Variants in QTGAL observed in about 807,000 individuals in gnomAD.
QTGAL encodes queuosine-tRNA galactosyltransferase.
chr17:82,942,357 C>T, the QTGAL span: 1 of 1,579,552 alleles, frequency 6.3e-7, no homozygotes, highest in Non-Finnish European at 8.7e-7. Flanking sequence ...CGTGTCAGTC[C>T]CCACACAGGG....
the QTGAL span, among the ~76,000 whole-genome samples, chr17:82,971,451 G>A: frequency 6.6e-6 from 1 of 152,146 alleles, no homozygotes; most frequent in Non-Finnish European, 1.5e-5. Context: ...GCAGCTCCGT[G>A]GCAGCGACTG....
At chr17:82,963,341 C>T in the QTGAL span, among the ~76,000 whole-genome samples, 10 of 152,272 alleles carry the variant, frequency 6.6e-5, no homozygotes, top group Middle Eastern at 3.4e-3. Context: ...ATCCCCAGCG[C>T]GAACCTCCAG....
chr17:83,037,949 C>A, the QTGAL span, among the ~76,000 whole-genome samples: 9 of 152,108 alleles, frequency 5.9e-5, no homozygotes, highest in Admixed American at 4.6e-4. The surrounding 1 kb of genome is among the most constrained non-coding windows in gnomAD (Gnocchi z 5.2). Context: ...TTGCCATGGT[C>A]TCAGCAGGAA....
the QTGAL span, among the ~76,000 whole-genome samples, chr17:82,961,605 G>A: frequency 2.6e-5 from 4 of 152,188 alleles, no homozygotes; most frequent in South Asian, 2.1e-4. Context: ...TCAAAGTGCC[G>A]ACTGTGGGCA....
chr17:82,971,298 C>T, the QTGAL span, among the ~76,000 whole-genome samples: 1 of 152,224 alleles, frequency 6.6e-6, no homozygotes, highest in African/African-American at 2.4e-5. Context: ...TAAGGACGCG[C>T]ACAGACACCG....
the QTGAL span, chr17:82,981,785 T>C: frequency 2.0e-5 from 3 of 152,272 alleles, no homozygotes. Context: ...GAGAGCCTAC[T>C]GTTGACCGGA....
At chr17:82,996,366 T>C in the QTGAL span, among the ~76,000 whole-genome samples, 1 of 151,714 alleles carries the variant, frequency 6.6e-6, no homozygotes, top group South Asian at 2.1e-4. Flanking sequence ...CCATTAAAAA[T>C]ACAAAATTAG....
chr17:82,959,854 G>A, the QTGAL span, among the ~76,000 whole-genome samples: 1 of 152,060 alleles, frequency 6.6e-6, no homozygotes, highest in South Asian at 2.1e-4. Context: ...CAGCCATGAT[G>A]TCTGTATTTG....
the QTGAL span, chr17:83,051,604 C>T: frequency 3.2e-6 from 3 of 937,518 alleles, no homozygotes; most frequent in African/African-American, 1.7e-5. Flanking sequence ...CTGCTCAGGG[C>T]GGAGACCCCG....
chr17:83,018,418 G>C, the QTGAL span, among the ~76,000 whole-genome samples: 1 of 152,186 alleles, frequency 6.6e-6, no homozygotes, highest in African/African-American at 2.4e-5. Flanking sequence ...CAAATGAATA[G>C]ATCTTTAATT....
the QTGAL span, among the ~76,000 whole-genome samples, chr17:83,012,029 C>T: frequency 1.2e-3 from 90 of 75,726 alleles, no homozygotes; most frequent in African/African-American, 4.5e-3. Context: ...TTTGAACACA[C>T]GCCACGAACT....
At chr17:82,993,692 C>T in the QTGAL span, among the ~76,000 whole-genome samples, 18 of 151,732 alleles carry the variant, frequency 1.2e-4, no homozygotes, top group Admixed American at 8.5e-4. Context: ...CATTCTTTTC[C>T]GCAGCACATG....
chr17:82,949,511 A>G, the QTGAL span: 1 of 152,168 alleles, frequency 6.6e-6, no homozygotes, highest in Non-Finnish European at 1.5e-5. Context: ...GCTCCCGCCA[A>G]ACGGAATTGC....
chr17:82,972,625 G>A, the QTGAL span, among the ~76,000 whole-genome samples: 5 of 125,594 alleles, frequency 4.0e-5, no homozygotes, highest in Admixed American at 4.0e-4. Flanking sequence ...CACACCATGG[G>A]CCAGAAGGAC....
At chr17:82,977,944 G>C in the QTGAL span, among the ~76,000 whole-genome samples, 4 of 152,242 alleles carry the variant, frequency 2.6e-5, no homozygotes, top group African/African-American at 7.2e-5. Context: ...GTGCACTCCT[G>C]TTTTCCGTTT....
the QTGAL span, among the ~76,000 whole-genome samples, chr17:82,951,166 T>C: frequency 2.0e-5 from 3 of 152,182 alleles, no homozygotes; most frequent in Non-Finnish European, 4.4e-5. Context: ...AAGCCAGGCA[T>C]TGACTTCTCC....
chr17:83,042,486 T>C, the QTGAL span, among the ~76,000 whole-genome samples: 6 of 152,350 alleles, frequency 3.9e-5, no homozygotes, highest in East Asian at 1.2e-3. Context: ...AACTACATTG[T>C]TATAAATTTA....
chr17:83,049,621 A>G, the QTGAL span, among the ~76,000 whole-genome samples: 5 of 152,074 alleles, frequency 3.3e-5, 1 homozygote, highest in South Asian at 4.2e-4. Flanking sequence ...AACCTGCAAC[A>G]AAGTAACCCC....
At chr17:83,009,185 A>C in the QTGAL span, among the ~76,000 whole-genome samples, 1 of 152,064 alleles carries the variant, frequency 6.6e-6, no homozygotes, top group African/African-American at 2.4e-5. Flanking sequence ...GCACTTTGGA[A>C]GGCAGAGGCG....
Sources: allele counts gnomAD v4.1 joint callset (sites outside exome capture counted in the v4.1 genomes callset), GRCh38; gene constraint gnomAD v4.1.1; non-coding constraint Gnocchi (gnomAD v3.1); transcripts MANE v1.5; gene names NCBI Gene and HGNC (gene_info 2026-07-23, HGNC 2026-07-21).